Variants in C2CD3 observed in about 807,000 individuals in gnomAD.
The protein encoded by C2CD3 is C2 domain containing 3 centriole elongation regulator, also known as C2 domain-containing protein 3.
In C2CD3, 148 loss-of-function variants were observed where a neutral mutation model predicts 234.0. The ratio of observed to expected loss-of-function variants is 0.63; its 90% CI spans 0.55 to 0.72. The LOEUF (loss-of-function observed/expected upper bound fraction) is 0.72, where lower values mean the gene tolerates loss of function less well. C2CD3 is among the 30% of genes least tolerant of loss of function. C2CD3 has a pLI of 0.00. For synonymous variants in C2CD3, 1,000 were observed against 1,035.4 expected (o/e 0.97, Z 0.66); for missense variants, 2,577 against 2,811.5 (o/e 0.92, Z 1.89).
intron 25 of C2CD3, among the ~76,000 whole-genome samples, chr11:74,056,878 CCTT>C (rs1020285923): frequency 2.5e-4 from 38 of 151,334 alleles, no homozygotes; most frequent in African/African-American, 8.8e-4. Flanking sequence ...ACCAGCATCC[CCTT>C]CTTATTTCTC....
chr11:74,097,437 C>T (rs2135489630), intron 16 of C2CD3, among the ~76,000 whole-genome samples: 1 of 152,296 alleles, frequency 6.6e-6, no homozygotes, highest in East Asian at 1.9e-4. Context: ...TCCCAATTCT[C>T]TCATTCCTAG....
intron 22 of C2CD3, among the ~76,000 whole-genome samples, chr11:74,081,944 T>A (rs1955391435): frequency 6.6e-6 from 1 of 152,204 alleles, no homozygotes; most frequent in African/African-American, 2.4e-5. Context: ...AGGGACAATT[T>A]GACTTCCTCT....
rs1185717721 is a variant in C2CD3, at chr11:74,077,839, ATATATATT to A, written c.4603+268_4603+275del. Among the ~76,000 whole-genome samples, 92 of 20,056 alleles carry A rather than the reference ATATATATT, an allele frequency of 4.6e-3. 22 individuals are homozygous for A. Among genetic ancestry groups the A allele is most frequent in the African/African-American group, 0.035 (90 of 2,540 alleles). The allele number at this position is 20,056 out of a possible 152,430, so 13.2% of individuals were successfully genotyped here. A position where few individuals can be genotyped will look rare whatever the true frequency, so the allele number is the denominator to read the frequency against. ...TATATATATATATATATATATATATATATATATTATCTCTTTAGTTACAAGAAGCACTA... is the reference window on the plus strand; with the variant it reads ...TATATATATATATATATATATATATAATCTCTTTAGTTACAAGAAGCACTA... On this transcript the variant is annotated intron_variant, in intron 23 of 32. Transcript: ENST00000334126.
chr11:74,112,605 A>G (rs1164046290), intron 11 of C2CD3, among the ~76,000 whole-genome samples: 1 of 152,230 alleles, frequency 6.6e-6, no homozygotes, highest in African/African-American at 2.4e-5. Flanking sequence ...TTATAACTCA[A>G]TAACAAAAAG....
chr11:74,047,698 G>A (rs768282614), intron 28 of C2CD3, among the ~76,000 whole-genome samples: 1 of 152,108 alleles, frequency 6.6e-6, no homozygotes, highest in Non-Finnish European at 1.5e-5. Flanking sequence ...GGTGTAGGCA[G>A]CGGGGTGCTT....
chr11:74,022,081 G>GC (rs1462160152), intron 32 of C2CD3, among the ~76,000 whole-genome samples: 1 of 151,976 alleles, frequency 6.6e-6, no homozygotes, highest in East Asian at 1.9e-4. Context: ...AGCTGAGATC[G>GC]CACCACCACA....
At chr11:74,042,001 T>C in intron 29 of C2CD3, 53 bp downstream of exon 29, 2 of 1,572,466 alleles carry the variant, frequency 1.3e-6, no homozygotes, top group Non-Finnish European at 1.7e-6. Flanking sequence ...CCATTTCTCA[T>C]TCACCTTGTG....
chr11:74,060,486 G>C (rs764160798), intron 24 of C2CD3, among the ~76,000 whole-genome samples: 8 of 152,212 alleles, frequency 5.3e-5, no homozygotes, highest in Admixed American at 4.6e-4. Flanking sequence ...AGCCTCCGCT[G>C]GTGATACCCA....
intron 22 of C2CD3, among the ~76,000 whole-genome samples, chr11:74,082,221 T>C (rs1955410328): frequency 6.6e-6 from 1 of 151,528 alleles, no homozygotes; most frequent in African/African-American, 2.4e-5. Flanking sequence ...GTTCATGCCA[T>C]TCTCCTGCCT....
chr11:74,144,113 G>T (rs1444684118), intron 3 of C2CD3, among the ~76,000 whole-genome samples: 1 of 152,082 alleles, frequency 6.6e-6, no homozygotes, highest in Non-Finnish European at 1.5e-5. Context: ...GTTCATGAAA[G>T]AGAACAAGAG....
chr11:74,136,072 T>C (rs1400650966), intron 5 of C2CD3, among the ~76,000 whole-genome samples: 5 of 150,764 alleles, frequency 3.3e-5, no homozygotes, highest in Non-Finnish European at 7.4e-5. Flanking sequence ...TCATGCAATA[T>C]ACCCAGGAAA....
At position 74,095,319 on chromosome 11, in the gene C2CD3, G is replaced by T. The variant is rs1722758826; in HGVS notation, c.3069C>A (p.Val1023=). 4 of 1,613,674 alleles carry T rather than the reference G, an allele frequency of 2.5e-6. No individual in the cohort carries two copies. The African/African-American group carries it at 4.0e-5, about 16-fold the overall frequency. Reference sequence around the variant, plus strand: ...GGACATAACAATCTGCTTCTCCCCAGACTGTTGCCTGAAGAGGGGCTAGCC... The same window carrying T: ...GGACATAACAATCTGCTTCTCCCCATACTGTTGCCTGAAGAGGGGCTAGCC... ...VKGLAPLQAT[V]WGEADCYVQY... The change falls in exon 17 of 33, where the codon GTC becomes GTA. Residue 1023 remains valine, a synonymous_variant. Coordinates refer to ENST00000334126, the MANE Select transcript of C2CD3 (RefSeq NM_001286577.2).
chr11:74,047,197 T>C (rs997409249), intron 28 of C2CD3, among the ~76,000 whole-genome samples: 1 of 152,210 alleles, frequency 6.6e-6, no homozygotes, highest in African/African-American at 2.4e-5. Flanking sequence ...TCTGTTAAGA[T>C]GGTTAGAGAG....
At chr11:74,077,501 T>C (rs2135463869) in intron 23 of C2CD3, among the ~76,000 whole-genome samples, 1 of 151,920 alleles carries the variant, frequency 6.6e-6, no homozygotes, top group Non-Finnish European at 1.5e-5. Context: ...GGATGAAGCC[T>C]GGAAACCATC....
chr11:74,161,601 A>G, intron 2 of C2CD3, 45 bp from the exon 3 acceptor site: 1 of 1,434,946 alleles, frequency 7.0e-7, no homozygotes. Context: ...ATTTACTTTT[A>G]TTTTCTTTTT....
intron 3 of C2CD3, among the ~76,000 whole-genome samples, chr11:74,146,102 A>G (rs1032920677): frequency 3.3e-5 from 5 of 152,248 alleles, no homozygotes; most frequent in African/African-American, 1.2e-4. Flanking sequence ...GAATAAACAG[A>G]AAGTACACAT....
At chr11:74,036,573 C>T (rs1411885448) in intron 30 of C2CD3, 1 of 453,944 alleles carries the variant, frequency 2.2e-6, no homozygotes, top group Admixed American at 2.4e-5. Flanking sequence ...TGAACTTCTT[C>T]ATCCCTGTGT....
intron 2 of C2CD3, chr11:74,168,076 C>CT: frequency 3.0e-6 from 1 of 334,202 alleles, no homozygotes; most frequent in East Asian, 5.7e-5. Flanking sequence ...CATTTCATCT[C>CT]TCCAACTTGT....
chr11:74,112,616 C>T (rs1956785796), intron 11 of C2CD3, among the ~76,000 whole-genome samples: 1 of 151,970 alleles, frequency 6.6e-6, no homozygotes, highest in Admixed American at 6.6e-5. Flanking sequence ...TAACAAAAAG[C>T]CTGATTTGAA....
Sources: gnomAD v4.1 joint callset for allele counts (sites outside exome capture counted in the v4.1 genomes callset) on GRCh38, gnomAD v4.1.1 for gene constraint, MANE v1.5 for transcripts, NCBI Gene and HGNC (gene_info 2026-07-23, HGNC 2026-07-21) for gene names.